Variants in PID1 observed in about 807,000 individuals in gnomAD.
The protein encoded by PID1 is PTB-containing, cubilin and LRP1-interacting protein.
A neutral mutation model predicts 19.1 loss-of-function variants in PID1; 10 were observed. The observed-to-expected ratio is 0.52, with a 90% confidence interval of 0.32 to 0.89. The LOEUF (loss-of-function observed/expected upper bound fraction) is 0.89. Among genes scored for constraint, PID1 ranks in the 40% least tolerant of loss-of-function variants. The probability of loss-of-function intolerance (pLI) is 0.03; values close to 1 mark genes in which losing one functional copy is unlikely to be tolerated. For missense variants in PID1, 248 were observed against 285.3 expected (o/e 0.87, Z 0.94); for synonymous variants, 130 against 116.0 (o/e 1.12, Z -0.78).
At chr2:229,076,498 C>T (rs1694560794) in intron 2 of PID1, among the ~76,000 whole-genome samples, 1 of 152,018 alleles carries the variant, frequency 6.6e-6, no homozygotes, top group African/African-American at 2.4e-5. Flanking sequence ...CACCCATCAA[C>T]TCGTCATCTA....
intron 1 of PID1, among the ~76,000 whole-genome samples, chr2:229,244,089 CA>C (rs1210266010): frequency 6.6e-6 from 1 of 152,080 alleles, no homozygotes; most frequent in Non-Finnish European, 1.5e-5. Flanking sequence ...AAGAATAAAG[CA>C]AAAACTAGCA....
chr2:229,068,457 A>T (rs1211366269), intron 2 of PID1, among the ~76,000 whole-genome samples: 2 of 151,948 alleles, frequency 1.3e-5, no homozygotes, highest in Non-Finnish European at 2.9e-5. Context: ...AAAAAAAAGG[A>T]TTTCCTCTGG....
At chr2:229,218,541 T>C (rs1691899215) in intron 1 of PID1, among the ~76,000 whole-genome samples, 1 of 152,040 alleles carries the variant, frequency 6.6e-6, no homozygotes, top group South Asian at 2.1e-4. Flanking sequence ...GGGTCAGCAA[T>C]TACCTGGAGG....
intron 2 of PID1, among the ~76,000 whole-genome samples, chr2:229,069,170 TGTGTGTGTGA>T: frequency 6.6e-6 from 1 of 151,660 alleles, no homozygotes; most frequent in Non-Finnish European, 1.5e-5. Flanking sequence ...TGTGTGTGTG[TGTGTGTGTGA>T]GATGAGGGAG....
At chr2:229,035,934 T>C (rs1404534592) in intron 2 of PID1, among the ~76,000 whole-genome samples, 2 of 152,160 alleles carry the variant, frequency 1.3e-5, no homozygotes, top group African/African-American at 4.8e-5. Flanking sequence ...TAGATTATAA[T>C]GCATCAATCA....
Position 229,026,084 on chromosome 2 carries a change from T to G in PID1, c.202A>C (p.Thr68Pro). The change falls in exon 3 of 3, where the codon ACC (threonine) becomes CCC (proline). Residue 68 changes from threonine to proline, a missense_variant. Physicochemically the swap from Thr to Pro is conservative, Grantham distance 38 (BLOSUM62 -1). Transcript: ENST00000392055. ...CCTGACAAAAACTGCATGCCAGTGG[T>G]GGAGACTTTGCCCAGGTAGGTAACC... ...CKVTYLGKVS[T>P]TGMQFLSGCT... 1 of 1,613,816 alleles carries G rather than the reference T, an allele frequency of 6.2e-7. No homozygotes were observed.
At chr2:229,102,296 A>G (rs914175424) in intron 2 of PID1, among the ~76,000 whole-genome samples, 15 of 152,140 alleles carry the variant, frequency 9.9e-5, no homozygotes, top group Admixed American at 5.2e-4. Flanking sequence ...AAAAAAATAC[A>G]TTTAAAGACT....
intron 2 of PID1, among the ~76,000 whole-genome samples, chr2:229,129,238 C>T (rs776367452): frequency 6.6e-6 from 1 of 152,010 alleles, no homozygotes; most frequent in Non-Finnish European, 1.5e-5. Context: ...TCATTTAAAA[C>T]CCCATCTCTA....
chr2:229,126,586 C>G (rs1383853658), intron 2 of PID1, among the ~76,000 whole-genome samples: 1 of 152,176 alleles, frequency 6.6e-6, no homozygotes, highest in Non-Finnish European at 1.5e-5. Context: ...AACCTTTCCT[C>G]CATCATGTAA....
chr2:229,188,948 A>G (rs994014876), intron 1 of PID1, among the ~76,000 whole-genome samples: 1 of 152,170 alleles, frequency 6.6e-6, no homozygotes, highest in Non-Finnish European at 1.5e-5. Flanking sequence ...ATTTTTCTCA[A>G]TGACAATTAC....
chr2:229,266,765 T>C (rs1057317439), intron 1 of PID1, among the ~76,000 whole-genome samples: 1 of 152,200 alleles, frequency 6.6e-6, no homozygotes, highest in Non-Finnish European at 1.5e-5. Flanking sequence ...AGGATGCAAA[T>C]GAGCCAGATA....
intron 1 of PID1, among the ~76,000 whole-genome samples, chr2:229,196,123 G>A (rs1358122916): frequency 6.6e-6 from 1 of 151,958 alleles, no homozygotes; most frequent in Admixed American, 6.6e-5. Flanking sequence ...ACACTATATG[G>A]AATCTAAAAA....
At chr2:229,144,507 T>C (rs1004007589) in intron 2 of PID1, among the ~76,000 whole-genome samples, 3 of 152,144 alleles carry the variant, frequency 2.0e-5, no homozygotes, top group African/African-American at 7.2e-5. Context: ...TATTCTAAAT[T>C]GAACAATAAA....
chr2:229,230,661 A>C (rs559753618), intron 1 of PID1, among the ~76,000 whole-genome samples: 12 of 152,372 alleles, frequency 7.9e-5, no homozygotes, highest in Admixed American at 3.3e-4. Context: ...TTGTAGTACC[A>C]GCTTGTGAAG....
At chr2:229,245,452 A>G (rs1559301092) in intron 1 of PID1, among the ~76,000 whole-genome samples, 1 of 152,140 alleles carries the variant, frequency 6.6e-6, no homozygotes, top group Non-Finnish European at 1.5e-5. Flanking sequence ...AACAACAATT[A>G]TAATCCTGAA....
chr2:229,258,778 C>T (rs1193934064), intron 1 of PID1, among the ~76,000 whole-genome samples: 4 of 147,476 alleles, frequency 2.7e-5, no homozygotes, highest in Admixed American at 1.4e-4. Context: ...AGGAGAACGG[C>T]GTGAACCCAG....
At position 229,056,948 on chromosome 2, in the gene PID1, G is replaced by A. The variant is rs966680290; in HGVS notation, c.178-30840C>T. Among the ~76,000 whole-genome samples the A allele has an allele frequency of 2.1e-4, 32 of 151,938 alleles. 1 individual carries two copies. The highest frequency in any genetic ancestry group is 2.1e-4 in the South Asian group (1 of 4,802). On this transcript the variant is annotated intron_variant, in intron 2 of 2. Transcript: ENST00000392055. ...GTATCTATTCCAACAAAGGATTGTC[G>A]GCTTTACCTGACATAGTATTTTTCT...
intron 1 of PID1, among the ~76,000 whole-genome samples, chr2:229,203,562 T>C (rs1691544815): frequency 6.6e-6 from 1 of 152,120 alleles, no homozygotes; most frequent in African/African-American, 2.4e-5. Flanking sequence ...GAAAAATAAA[T>C]GATATAATTT....
chr2:229,195,062 C>A (rs898219856), intron 1 of PID1, among the ~76,000 whole-genome samples: 1 of 151,728 alleles, frequency 6.6e-6, no homozygotes, highest in Non-Finnish European at 1.5e-5. Context: ...AATTCTTGTC[C>A]ATGAGGTTGA....
Sources: gnomAD v4.1 joint callset for allele counts (sites outside exome capture counted in the v4.1 genomes callset) on GRCh38, gnomAD v4.1.1 for gene constraint, MANE v1.5 for transcripts, NCBI Gene and HGNC (gene_info 2026-07-23, HGNC 2026-07-21) for gene names.